The following MEI1 variants were observed in gnomAD, a reference collection of about 807,000 sequenced individuals.
MEI1 encodes meiotic double-stranded break formation protein 1.
A neutral mutation model predicts 146.2 loss-of-function variants in MEI1; 103 were observed. That is an observed-to-expected ratio of 0.70 (90% confidence interval 0.60 to 0.83). The LOEUF (loss-of-function observed/expected upper bound fraction) is 0.83, where lower values mean the gene tolerates loss of function less well. MEI1 is among the 40% of genes least tolerant of loss of function. The pLI is 0.00. For missense variants in MEI1, 1,529 were observed against 1,533.0 expected (o/e 1.00, Z 0.04); for synonymous variants, 652 against 628.2 (o/e 1.04, Z -0.57).
At chr22:41,720,114 A>C (rs1214446158) in intron 6 of MEI1, among the ~76,000 whole-genome samples, 2 of 152,184 alleles carry the variant, frequency 1.3e-5, no homozygotes, top group Non-Finnish European at 2.9e-5. Flanking sequence ...GATGAGTGCC[A>C]TCTTGGAGGT....
intron 19 of MEI1, among the ~76,000 whole-genome samples, chr22:41,765,832 A>G (rs2074810497): frequency 6.7e-6 from 1 of 148,678 alleles, no homozygotes; most frequent in African/African-American, 2.5e-5. Context: ...TGTATATAAT[A>G]TTGTGTAATC....
In MEI1 at chr22:41,730,540, T is replaced by A; in HGVS notation, c.999T>A (p.Leu333=). ...ADIPEFLFEH[L]SSSSEVLVWS... ...TGTTAGAGTTCCTCTTTGAGCATCT[T>A]TCTTCTTCCAGTGAAGTGCTCGTCT... The change falls in exon 9 of 31, where the codon CTT becomes CTA. Residue 333 remains leucine (L), a synonymous_variant. Transcript: ENST00000401548. 1 of 1,613,480 alleles carries A rather than the reference T, an allele frequency of 6.2e-7. No homozygotes were observed. Among genetic ancestry groups the A allele is most frequent in the Non-Finnish European group, 8.5e-7 (1 of 1,179,398 alleles).
intron 8 of MEI1, 108 bp from the exon 9 acceptor site, chr22:41,730,413 T>C: frequency 1.4e-6 from 1 of 710,510 alleles, no homozygotes; most frequent in Non-Finnish European, 2.5e-6. Flanking sequence ...TGTGAACAGA[T>C]GAAGTAGCAA....
chr22:41,726,175 G>A (rs1215658868), intron 7 of MEI1, among the ~76,000 whole-genome samples: 3 of 152,154 alleles, frequency 2.0e-5, no homozygotes, highest in Non-Finnish European at 4.4e-5. Flanking sequence ...CTATTTGGGA[G>A]GCTGAGGCAG....
Position 41,785,908 on chromosome 22 carries a change from TTATTTTA to T in MEI1, c.3345+1127_3345+1133del, listed in dbSNP as rs1343264451. On this transcript the variant is annotated intron_variant, in intron 26 of 30. Transcript: ENST00000401548. The stretch of plus-strand genomic sequence containing the variant: ...TTTTATTTTTTTATTTTTTTATTTT[TTATTTTA>T]TTTTTTTTTTTTTGAGACGGAGTCT... Among the ~76,000 whole-genome samples the T allele has an allele frequency of 6.7e-5, 8 of 120,214 alleles. No homozygotes were observed. In the East Asian group the frequency reaches 1.7e-3, roughly 26 times the overall value. The allele number at this position is 120,214 out of a possible 152,430, so 78.9% of individuals were successfully genotyped here. A position where few individuals can be genotyped will look rare whatever the true frequency, so the allele number is the denominator to read the frequency against.
chr22:41,733,962 A>G (rs1332290200), intron 11 of MEI1, among the ~76,000 whole-genome samples: 1 of 151,474 alleles, frequency 6.6e-6, no homozygotes, highest in Non-Finnish European at 1.5e-5. Flanking sequence ...CCCTGTCTTT[A>G]CTAAAAATAT....
intron 15 of MEI1, among the ~76,000 whole-genome samples, chr22:41,751,686 C>T (rs938530977): frequency 3.3e-5 from 5 of 151,200 alleles, no homozygotes; most frequent in Admixed American, 1.3e-4. Flanking sequence ...GCAGGAGACT[C>T]GCTTGAACCT....
At chr22:41,707,182 GAT>G (rs2069162268) in intron 3 of MEI1, among the ~76,000 whole-genome samples, 1 of 152,214 alleles carries the variant, frequency 6.6e-6, no homozygotes, top group South Asian at 2.1e-4. Context: ...CAACTTGGGT[GAT>G]ACAGTGAGAC....
intron 19 of MEI1, among the ~76,000 whole-genome samples, chr22:41,764,705 A>G (rs924421253): frequency 6.6e-6 from 1 of 152,156 alleles, no homozygotes; most frequent in Non-Finnish European, 1.5e-5. Context: ...TCCACACACA[A>G]CCACCACGAA....
chr22:41,770,096 T>C (rs542321155), intron 19 of MEI1, among the ~76,000 whole-genome samples: 6 of 151,860 alleles, frequency 4.0e-5, no homozygotes, highest in Non-Finnish European at 7.4e-5. Context: ...ATCATGCCAT[T>C]GCACTCCAGC....
At chr22:41,787,770 G>A (rs1425501742) in intron 26 of MEI1, among the ~76,000 whole-genome samples, 1 of 152,194 alleles carries the variant, frequency 6.6e-6, no homozygotes, top group Non-Finnish European at 1.5e-5. Context: ...ATCTGGGAAT[G>A]TTTGTTGAAT....
intron 24 of MEI1, among the ~76,000 whole-genome samples, chr22:41,782,327 G>T (rs919066278): frequency 1.3e-5 from 2 of 152,160 alleles, no homozygotes; most frequent in Non-Finnish European, 2.9e-5. Flanking sequence ...AAGACCAGAC[G>T]GGGAGGCAGA....
chr22:41,734,971 CT>C (rs956545079), intron 11 of MEI1, among the ~76,000 whole-genome samples: 3 of 148,594 alleles, frequency 2.0e-5, no homozygotes, highest in African/African-American at 7.4e-5. Flanking sequence ...GTATTTTTTT[CT>C]TTTTTTTGAG....
Position 41,781,334 on chromosome 22 carries a change from C to T in MEI1, c.2866C>T (p.Pro956Ser), listed in dbSNP as rs549479518. Residue 956 changes from proline to serine, a missense_variant, in exon 23 of 31, where the codon CCC becomes TCC. By Grantham distance (74) the Pro-to-Ser change is moderately conservative (BLOSUM62 -1). Around this residue, in one of 3 missense-constraint regions of MEI1, gnomAD observed 1,212 missense variants for 1,178.9 expected, o/e 1.03. Coordinates refer to ENST00000401548, the MANE Select transcript of MEI1 (RefSeq NM_152513.4). ...CCCCACTGACGTGGACATCCTGCAG[C>T]CCTCCTTCAACTTCCTGTATTGGAG... is the stretch of plus-strand genomic sequence containing the variant. ...CSPTDVDILQPSFNFLYWSLH... is the reference protein window; with the variant it reads ...CSPTDVDILQSSFNFLYWSLH... 1.3e-5 allele frequency: 21 copies of T among 1,613,576 alleles called. No homozygotes were observed. Among genetic ancestry groups the T allele is most frequent in the Non-Finnish European group, 1.7e-5 (20 of 1,179,768 alleles).
Position 41,730,567 on chromosome 22 carries a change from G to A in MEI1, c.1026G>A (p.Trp342Ter). Residue 342 changes from tryptophan (W) to a stop codon, truncating the protein, a stop_gained, in exon 9 of 31, where the codon TGG (tryptophan) becomes TGA (stop). Coordinates refer to ENST00000401548, the MANE Select transcript of MEI1 (RefSeq NM_152513.4). LOFTEE classifies it high-confidence loss of function. The stretch of plus-strand genomic sequence containing the variant: ...CTTCTTCCAGTGAAGTGCTCGTCTG[G>A]TCCAGCTGTAACTGCTTGACACTCC... ...HLSSSSEVLV[W>*]SSCNCLTLLV... 6.2e-7 allele frequency: 1 copy of A among 1,613,820 alleles called. No homozygotes were observed. Among genetic ancestry groups the A allele is most frequent in the South Asian group, 1.1e-5 (1 of 91,082 alleles).
At chr22:41,740,037 G>T (rs559584572) in intron 11 of MEI1, among the ~76,000 whole-genome samples, 2 of 151,586 alleles carry the variant, frequency 1.3e-5, no homozygotes, top group Non-Finnish European at 2.9e-5. Flanking sequence ...TTTTGGTGGG[G>T]GGGGTGGAGT....
chr22:41,699,706 C>G lies in MEI1; in HGVS notation c.168C>G (p.Gly56=), dbSNP rs1368535590. ...ACALELLPDP[G]VSLVRKKHML... ...CGCTGGAGCTGCTGCCGGACCCCGG[C>G]GTGTCGGTGCGGGCGGAACCTTTTC... Residue 56 remains glycine (G), a synonymous_variant, in exon 1 of 31, where the codon GGC becomes GGG. Coordinates refer to ENST00000401548, the MANE Select transcript of MEI1 (RefSeq NM_152513.4). The G allele has an allele frequency of 6.4e-7, 1 of 1,570,434 alleles. No homozygotes were observed. Among genetic ancestry groups the G allele is most frequent in the Admixed American group, 1.9e-5 (1 of 52,790 alleles).
At position 41,763,311 on chromosome 22, in the gene MEI1, C is replaced by T. The variant is rs995025422; in HGVS notation, c.2258C>T (p.Thr753Ile). Residue 753 changes from threonine (T) to isoleucine (I), a missense_variant, in exon 19 of 31, where the codon ACA (threonine) becomes ATA (isoleucine). Coordinates refer to ENST00000401548, the MANE Select transcript of MEI1 (RefSeq NM_152513.4). ...LLAICQDKDN[T>I]LRETMVSAIR... ...GCAATCTGCCAGGACAAAGACAATA[C>T]ACTACGTGAGGTATGGACCACAATG... 1.2e-6 allele frequency: 2 copies of T among 1,613,898 alleles called. No individual in the cohort carries two copies. Among genetic ancestry groups the T allele is most frequent in the Non-Finnish European group, 1.7e-6 (2 of 1,179,850 alleles).
chr22:41,700,057 C>T (rs9619984), intron 1 of MEI1, among the ~76,000 whole-genome samples: 12,198 of 152,310 alleles, frequency 0.08, 1,349 homozygotes, highest in African/African-American at 0.25. Flanking sequence ...CTCCATTTCC[C>T]GGGGATTCGG....
Sources: allele counts gnomAD v4.1 joint callset (sites outside exome capture counted in the v4.1 genomes callset), GRCh38; gene constraint gnomAD v4.1.1; regional missense constraint gnomAD v4.1.1; transcripts MANE v1.5; gene names NCBI Gene and HGNC (gene_info 2026-07-23, HGNC 2026-07-21).